Variants in EYA4 observed in about 807,000 individuals in gnomAD.
The protein encoded by EYA4 is EYA transcriptional coactivator and phosphatase 4, also known as protein phosphatase EYA4.
In EYA4, 31 loss-of-function variants were observed where a neutral mutation model predicts 87.9. That is an observed-to-expected ratio of 0.35 (90% CI 0.27 to 0.48). The LOEUF (loss-of-function observed/expected upper bound fraction) is 0.48, where lower values mean the gene tolerates loss of function less well. EYA4 is among the 20% of genes least tolerant of loss of function. The probability of loss-of-function intolerance (pLI) is 0.99; values close to 1 mark genes in which losing one functional copy is unlikely to be tolerated. For synonymous variants in EYA4, 263 were observed against 270.6 expected (o/e 0.97, Z 0.28); for missense variants, 678 against 761.4 (o/e 0.89, Z 1.29).
At chr6:133,494,267 A>C (rs1797432900) in intron 13 of EYA4, among the ~76,000 whole-genome samples, 1 of 152,224 alleles carries the variant, frequency 6.6e-6, no homozygotes, top group South Asian at 2.1e-4. Context: ...TGTCATTTTT[A>C]GCAACATGGA....
chr6:133,307,285 T>A (rs1173436660), intron 2 of EYA4, among the ~76,000 whole-genome samples: 1 of 152,224 alleles, frequency 6.6e-6, no homozygotes, highest in Admixed American at 6.5e-5. Flanking sequence ...AAGAACTAAA[T>A]CAGTGAAGTT....
chr6:133,283,295 A>G (rs1303490429), intron 2 of EYA4, among the ~76,000 whole-genome samples: 2 of 151,634 alleles, frequency 1.3e-5, no homozygotes, highest in Non-Finnish European at 2.9e-5. Flanking sequence ...TTCTGTCTCA[A>G]TAATAATAAT....
intron 2 of EYA4, among the ~76,000 whole-genome samples, chr6:133,333,289 C>A (rs886784512): frequency 1.3e-5 from 2 of 152,088 alleles, no homozygotes; most frequent in Middle Eastern, 3.2e-3. Flanking sequence ...GAGATGAGAA[C>A]GTAACAATTT....
intron 3 of EYA4, among the ~76,000 whole-genome samples, chr6:133,433,860 T>C (rs1791406168): frequency 6.6e-6 from 1 of 152,200 alleles, no homozygotes; most frequent in Admixed American, 6.5e-5. Context: ...GCATGTGTAG[T>C]GAGCGACTGG....
chr6:133,398,694 G>C (rs1343149959), intron 3 of EYA4, among the ~76,000 whole-genome samples: 1 of 152,122 alleles, frequency 6.6e-6, no homozygotes, highest in Non-Finnish European at 1.5e-5. Flanking sequence ...TCTAAGTAGA[G>C]CCCAGAATTT....
At chr6:133,439,975 A>G (rs896707326) in intron 3 of EYA4, among the ~76,000 whole-genome samples, 1 of 152,194 alleles carries the variant, frequency 6.6e-6, no homozygotes, top group African/African-American at 2.4e-5. Context: ...TGGACGATAC[A>G]CTTTTTACTG....
intron 3 of EYA4, among the ~76,000 whole-genome samples, chr6:133,410,814 A>T (rs1201527430): frequency 6.6e-6 from 1 of 151,694 alleles, no homozygotes; most frequent in South Asian, 2.1e-4. Context: ...TCAGGTGTTG[A>T]TTCATCCTTG....
At chr6:133,456,691 G>T (rs1793939170) in intron 6 of EYA4, 43 bp downstream of exon 6, 1 of 1,155,748 alleles carries the variant, frequency 8.7e-7, no homozygotes, top group African/African-American at 1.5e-5. Flanking sequence ...ACATGGGGGT[G>T]CATCCACATC....
At chr6:133,347,604 C>G (rs1783292271) in intron 2 of EYA4, among the ~76,000 whole-genome samples, 1 of 152,088 alleles carries the variant, frequency 6.6e-6, no homozygotes, top group Admixed American at 6.5e-5. Flanking sequence ...TATTGCTAAC[C>G]CCTATTATGC....
chr6:133,411,565 A>C (rs541605761), intron 3 of EYA4, among the ~76,000 whole-genome samples: 2 of 151,630 alleles, frequency 1.3e-5, no homozygotes, highest in South Asian at 4.2e-4. Context: ...CTGTCTATCT[A>C]TATATATATA....
intron 13 of EYA4, among the ~76,000 whole-genome samples, chr6:133,499,327 C>CTT (rs1797910640): frequency 6.6e-6 from 1 of 152,184 alleles, no homozygotes; most frequent in Non-Finnish European, 1.5e-5. Context: ...TGCTCTGCCA[C>CTT]TTTTCTCTGG....
At chr6:133,420,527 G>T (rs1425525906) in intron 3 of EYA4, among the ~76,000 whole-genome samples, 1 of 152,196 alleles carries the variant, frequency 6.6e-6, no homozygotes. Flanking sequence ...GTAGAGACAG[G>T]ACTAGAGCCC....
chr6:133,351,806 T>A (rs1186645390), intron 2 of EYA4, among the ~76,000 whole-genome samples: 1 of 152,182 alleles, frequency 6.6e-6, no homozygotes, highest in African/African-American at 2.4e-5. Flanking sequence ...AATTTTCAAA[T>A]GTGTACAGAG....
rs143596676 is a variant in EYA4 at position 133,531,604 on chromosome 6, C to A, written c.*2799C>A. On this transcript the variant is annotated 3_prime_UTR_variant, in exon 20 of 20. Coordinates refer to ENST00000355286, the MANE Select transcript of EYA4 (RefSeq NM_004100.5). Reference sequence around the variant, plus strand: ...TATCAAGACCATGTAATTTCCATAACAAAATAGGTGGCCTGGCTATGGTAT... The same window carrying A: ...TATCAAGACCATGTAATTTCCATAAAAAAATAGGTGGCCTGGCTATGGTAT... 1,304 of 195,280 alleles carry A rather than the reference C, an allele frequency of 6.7e-3. 19 individuals carry two copies. Among genetic ancestry groups the A allele is most frequent in the African/African-American group, 0.028 (1,210 of 43,138 alleles). 12.1% of individuals were successfully genotyped at this position (195,280 alleles called of 1,614,324 possible). A position where few individuals can be genotyped will look rare whatever the true frequency, so the allele number is the denominator to read the frequency against.
intron 18 of EYA4, among the ~76,000 whole-genome samples, chr6:133,524,260 T>C (rs1165129075): frequency 6.6e-6 from 1 of 152,188 alleles, no homozygotes; most frequent in African/African-American, 2.4e-5. Context: ...ACAATATTCT[T>C]TCTGTTGGCG....
At chr6:133,411,625 A>G (rs917065189) in intron 3 of EYA4, among the ~76,000 whole-genome samples, 2 of 152,006 alleles carry the variant, frequency 1.3e-5, no homozygotes, top group Admixed American at 6.6e-5. Context: ...GACTCAGTCT[A>G]TCTTGCTTTT....
intron 13 of EYA4, among the ~76,000 whole-genome samples, chr6:133,486,855 T>C (rs1796727710): frequency 6.6e-6 from 1 of 152,198 alleles, no homozygotes; most frequent in Non-Finnish European, 1.5e-5. Context: ...CTCCACTGAT[T>C]GTCCTCCCTG....
chr6:133,468,701 G>A lies in EYA4; in HGVS notation c.940G>A (p.Glu314Lys), dbSNP rs1475178668. 6.2e-7 allele frequency: 1 copy of A among 1,612,968 alleles called. No homozygotes were observed. Among genetic ancestry groups the A allele is most frequent in the Non-Finnish European group, 8.5e-7 (1 of 1,179,320 alleles). The change falls in exon 11 of 20, where the codon GAA becomes AAA. Residue 314 changes from glutamate (E) to lysine (K), a missense_variant. Glu to Lys is a moderately conservative substitution (Grantham distance 56, BLOSUM62 1). Transcript: ENST00000355286. Reference sequence around the variant, plus strand: ...TTCAACCTCTACTTATCAGTTGCAGGAATCTCTCCCAGGACTGACTAACCA... The same window carrying A: ...TTCAACCTCTACTTATCAGTTGCAGAAATCTCTCCCAGGACTGACTAACCA... ...PSSTSTYQLQ[E>K]SLPGLTNQPG...
intron 1 of EYA4, among the ~76,000 whole-genome samples, chr6:133,246,266 A>C (rs75233597): frequency 0.021 from 3,239 of 152,268 alleles, 100 homozygotes; most frequent in African/African-American, 0.069. Context: ...TGCATGGATG[A>C]TGAAGAAAGA....
Sources: gnomAD v4.1 joint callset for allele counts (sites outside exome capture counted in the v4.1 genomes callset) on GRCh38, gnomAD v4.1.1 for gene constraint, MANE v1.5 for transcripts, NCBI Gene and HGNC (gene_info 2026-07-23, HGNC 2026-07-21) for gene names.